Variants in ARHGAP31 observed in about 807,000 individuals in gnomAD.
ARHGAP31 encodes the protein Rho GTPase activating protein 31, also known as rho GTPase-activating protein 31.
Under a neutral mutation model 113.9 loss-of-function variants are expected in ARHGAP31, and 34 were observed. The observed-to-expected ratio is 0.30, with a 90% confidence interval of 0.23 to 0.40. The LOEUF (loss-of-function observed/expected upper bound fraction) is 0.40, where lower values mean the gene tolerates loss of function less well. Among genes scored for constraint, ARHGAP31 ranks in the 10% least tolerant of loss-of-function variants. The pLI, the probability that ARHGAP31 is intolerant of heterozygous loss-of-function variation, is 1.00. For missense variants in ARHGAP31, 1,548 were observed against 1,767.1 expected (o/e 0.88, Z 2.22); for synonymous variants, 650 against 684.8 (o/e 0.95, Z 0.79).
Position 119,368,422 on chromosome 3 carries a change from T to A in ARHGAP31, c.254T>A (p.Leu85His). The A allele has an allele frequency of 6.2e-7, 1 of 1,614,178 alleles. No homozygotes were observed. The highest frequency in any genetic ancestry group is 8.5e-7 in the Non-Finnish European group (1 of 1,180,008). Residue 85 changes from leucine to histidine, a missense_variant, in exon 3 of 12, where the codon CTC becomes CAC. Physicochemically the swap from Leu to His is moderately conservative, Grantham distance 99. Transcript: ENST00000264245. ...QCPDLTREVY[L>H]QDIHCVGSLC... ...CCAGATCTGACAAGGGAAGTGTACCTCCAGGACATCCACTGTGTGGGCTCG... is the reference window on the plus strand; with the variant it reads ...CCAGATCTGACAAGGGAAGTGTACCACCAGGACATCCACTGTGTGGGCTCG...
At chr3:119,394,923 A>G (rs186605951) in intron 8 of ARHGAP31, among the ~76,000 whole-genome samples, 103 of 152,364 alleles carry the variant, frequency 6.8e-4, no homozygotes, top group Admixed American at 2.1e-3. Flanking sequence ...TAGGAGACAT[A>G]TACTAAAACT....
At chr3:119,342,566 C>T (rs572303774) in intron 1 of ARHGAP31, among the ~76,000 whole-genome samples, 130 of 152,292 alleles carry the variant, frequency 8.5e-4, no homozygotes, top group Non-Finnish European at 1.1e-3. Flanking sequence ...GGAATATGTA[C>T]CACCAAAAAC....
intron 1 of ARHGAP31, among the ~76,000 whole-genome samples, chr3:119,301,359 G>C (rs2079583688): frequency 6.6e-6 from 1 of 152,222 alleles, no homozygotes; most frequent in Non-Finnish European, 1.5e-5. Context: ...GGGTGAGGGA[G>C]AGCTGAAGGC....
At chr3:119,370,504 C>T (rs1266323188) in intron 3 of ARHGAP31, among the ~76,000 whole-genome samples, 1 of 152,132 alleles carries the variant, frequency 6.6e-6, no homozygotes. Context: ...ACCTGAAATT[C>T]CACACTCCAG....
intron 1 of ARHGAP31, among the ~76,000 whole-genome samples, chr3:119,325,918 C>A (rs546548208): frequency 6.6e-6 from 1 of 152,232 alleles, no homozygotes; most frequent in East Asian, 1.9e-4. Context: ...GGGCTGGGCA[C>A]GGTGGCTCAC....
intron 1 of ARHGAP31, among the ~76,000 whole-genome samples, chr3:119,325,122 T>C (rs2079830002): frequency 6.6e-6 from 1 of 152,224 alleles, no homozygotes; most frequent in Non-Finnish European, 1.5e-5. Context: ...TTCTAGTAAC[T>C]AGTGATGCAG....
chr3:119,390,343 G>A (rs1372618954), intron 6 of ARHGAP31, among the ~76,000 whole-genome samples: 2 of 152,218 alleles, frequency 1.3e-5, no homozygotes, highest in Admixed American at 6.5e-5. Flanking sequence ...GTCCAGCTGT[G>A]GGGAGGAGAG....
chr3:119,349,143 C>T (rs779094633), intron 1 of ARHGAP31, among the ~76,000 whole-genome samples: 24 of 151,986 alleles, frequency 1.6e-4, no homozygotes, highest in Middle Eastern at 3.4e-3. Context: ...AGTGTAGTCT[C>T]TCTGCAGAAA....
chr3:119,398,479 T>C (rs1197358959), intron 8 of ARHGAP31, among the ~76,000 whole-genome samples: 4 of 152,206 alleles, frequency 2.6e-5, no homozygotes. Context: ...TTTCAGCCAG[T>C]TCTGTTCCCT....
chr3:119,324,880 GTC>G, intron 1 of ARHGAP31: 1 of 454,288 alleles, frequency 2.2e-6, no homozygotes, highest in South Asian at 1.6e-5. Flanking sequence ...AGGTCTCTTG[GTC>G]TCTCAGTTTG....
chr3:119,354,345 A>G (rs866045089), intron 1 of ARHGAP31, among the ~76,000 whole-genome samples: 1 of 152,382 alleles, frequency 6.6e-6, no homozygotes, highest in Middle Eastern at 3.4e-3. Flanking sequence ...TCTTTTAAAA[A>G]AAATGCTTTT....
intron 1 of ARHGAP31, chr3:119,341,870 C>T (rs2080011355): frequency 6.6e-6 from 1 of 151,228 alleles, no homozygotes; most frequent in South Asian, 2.1e-4. Context: ...TCATGTCATC[C>T]TTGCGCAGGA....
chr3:119,348,775 T>C (rs556623336), intron 1 of ARHGAP31, among the ~76,000 whole-genome samples: 1 of 152,334 alleles, frequency 6.6e-6, no homozygotes, highest in African/African-American at 2.4e-5. Flanking sequence ...TCCTTTTTTT[T>C]CTGAATATTT....
chr3:119,402,549 G>A, intron 10 of ARHGAP31, 152 bp downstream of exon 10: 1 of 827,816 alleles, frequency 1.2e-6, no homozygotes, highest in Non-Finnish European at 2.0e-6. Context: ...ATTTTACTGC[G>A]TGATCTTCAG....
At chr3:119,355,097 G>A (rs2107618281) in intron 1 of ARHGAP31, among the ~76,000 whole-genome samples, 1 of 152,130 alleles carries the variant, frequency 6.6e-6, no homozygotes, top group East Asian at 1.9e-4. Flanking sequence ...GTAGCTTGGG[G>A]CTTTTTCTAT....
intron 1 of ARHGAP31, among the ~76,000 whole-genome samples, chr3:119,297,420 C>T (rs2079542629): frequency 6.6e-6 from 1 of 152,208 alleles, no homozygotes; most frequent in Non-Finnish European, 1.5e-5. Context: ...AGTGTGGTAA[C>T]TGGGAGCCAG....
intron 1 of ARHGAP31, among the ~76,000 whole-genome samples, chr3:119,318,875 C>T (rs992960861): frequency 6.6e-6 from 1 of 152,050 alleles, no homozygotes; most frequent in Non-Finnish European, 1.5e-5. Flanking sequence ...ACAAGCTAAG[C>T]TACATTCCAG....
At chr3:119,380,811 C>T (rs1387425996) in intron 3 of ARHGAP31, 93 bp from the exon 4 acceptor site, 2 of 1,032,358 alleles carry the variant, frequency 1.9e-6, no homozygotes, top group Non-Finnish European at 3.0e-6. Context: ...GGTTGTGAGG[C>T]TGGAGTATGA....
intron 1 of ARHGAP31, among the ~76,000 whole-genome samples, chr3:119,307,528 T>C (rs922351466): frequency 6.6e-6 from 1 of 152,226 alleles, no homozygotes; most frequent in African/African-American, 2.4e-5. Context: ...TACACAATTA[T>C]TTATTTCCCT....
Sources: gnomAD v4.1 joint callset for allele counts (sites outside exome capture counted in the v4.1 genomes callset) on GRCh38, gnomAD v4.1.1 for gene constraint, MANE v1.5 for transcripts, NCBI Gene and HGNC (gene_info 2026-07-23, HGNC 2026-07-21) for gene names.